Variants in DNMT3A observed in about 807,000 individuals in gnomAD.
DNMT3A encodes DNA (cytosine-5)-methyltransferase 3A.
A neutral mutation model predicts 117.6 loss-of-function variants in DNMT3A; 267 were observed. The observed-to-expected ratio is 2.27, with a 90% confidence interval of 2.05 to 2.51. The LOEUF is 2.51. Among genes scored for constraint, DNMT3A ranks in the 30% most tolerant of loss-of-function variants. The pLI, the probability that DNMT3A is intolerant of heterozygous loss-of-function variation, is 0.00. For missense variants in DNMT3A, 1,029 were observed against 1,260.2 expected, an observed-to-expected ratio of 0.82 and a Z score of 2.78; for synonymous variants, 432 against 474.8, an observed-to-expected ratio of 0.91 and a Z score of 1.17.
At position 25,294,295 on chromosome 2, in the gene DNMT3A, C is replaced by A. The variant is rs577440244; in HGVS notation, c.177+5844G>T. 1.3e-5 allele frequency among the ~76,000 whole-genome samples: 2 copies of A among 152,180 alleles called. No individual in the cohort carries two copies. Among genetic ancestry groups the A allele is most frequent in the Non-Finnish European group, 2.9e-5 (2 of 68,036 alleles). On this transcript the variant is annotated intron_variant, in intron 3 of 22. Transcript: ENST00000321117. The surrounding 1 kb of genome is among the most constrained non-coding windows in gnomAD (Gnocchi z 4.7). ...CTCCAGTAGCGGGCGTTGATTTCAC[C>A]GCTCAGGTCGGGGAGTGGGTGGGTG...
intron 2 of DNMT3A, among the ~76,000 whole-genome samples, chr2:25,312,369 C>A (rs968029869): frequency 6.6e-6 from 1 of 152,244 alleles, no homozygotes; most frequent in Non-Finnish European, 1.5e-5. Flanking sequence ...CCTGATCGGT[C>A]GCCCCGGGCG....
rs759434704 is a variant in DNMT3A at position 25,234,253 on chromosome 2, G to A, written c.*26C>T. 1.3e-5 allele frequency: 21 copies of A among 1,587,740 alleles called. No homozygotes were observed. Among genetic ancestry groups the A allele is most frequent in the South Asian group, 2.3e-5 (2 of 87,916 alleles). ...TTGTTTGTTTGTTTAACTTTGTGTC[G>A]CTACCTCAGTTTGCCCCCATGTCCC... On this transcript the variant is annotated 3_prime_UTR_variant, in exon 23 of 23. Transcript: ENST00000321117. The surrounding 1 kb of genome is among the most constrained non-coding windows in gnomAD (Gnocchi z 4.5).
Position 25,243,968 on chromosome 2 carries a change from A to C in DNMT3A, c.1866T>G (p.Val622=), listed in dbSNP as rs1674397810. The stretch of plus-strand genomic sequence containing the variant: ...TCTTCTCAGCTGGGACAGGTGGGTA[A>C]ACCTTTGGAGGGTCCTAAGCAGTGA... ...NHDQEFDPPK[V]YPPVPAEKRK... The change falls in exon 16 of 23, where the codon GTT becomes GTG. Residue 622 remains valine (V), a synonymous_variant. Transcript: ENST00000321117. 1 of 1,553,962 alleles carries C rather than the reference A, an allele frequency of 6.4e-7. No homozygotes were observed. The highest frequency in any genetic ancestry group is 8.7e-7 in the Non-Finnish European group (1 of 1,148,184).
At chr2:25,271,189 T>C (rs1002123084) in intron 6 of DNMT3A, among the ~76,000 whole-genome samples, 5 of 150,982 alleles carry the variant, frequency 3.3e-5, no homozygotes, top group African/African-American at 1.2e-4. Flanking sequence ...CTACTAAAAA[T>C]ACAAAAAGTT....
chr2:25,247,071 C>G lies in DNMT3A; in HGVS notation c.1102G>C (p.Ala368Pro), dbSNP rs1347653303. The G allele has an allele frequency of 6.2e-7, 1 of 1,614,006 alleles. No individual in the cohort carries two copies. The highest frequency in any genetic ancestry group is 8.5e-7 in the Non-Finnish European group (1 of 1,180,000). Reference sequence around the variant, plus strand: ...CTCACCTGCAGGACCTCGTAGATGGCTTTGCGGTACATGGGCTGCTTGTTG... The same window carrying G: ...CTCACCTGCAGGACCTCGTAGATGGGTTTGCGGTACATGGGCTGCTTGTTG... ...TYNKQPMYRK[A>P]IYEVLQVASS... The change falls in exon 9 of 23, where the codon GCC becomes CCC. Residue 368 changes from alanine to proline, a missense_variant. By Grantham distance (27) the Ala-to-Pro change is conservative. Transcript: ENST00000321117. This position sits in a 1 kb window ranked among gnomAD's most constrained non-coding sequence, Gnocchi z 5.6.
At position 25,248,111 on chromosome 2, in the gene DNMT3A, T is replaced by G; in HGVS notation, c.781A>C (p.Thr261Pro). ...TDPASPTVAT[T>P]PEPVGSDAGD... ...GCATCGGACCCCACGGGCTCAGGCG[T>G]GGTAGCCACAGTGGGGGATGCGGGG... The change falls in exon 7 of 23, where the codon ACG becomes CCG. Residue 261 changes from threonine (T) to proline (P), a missense_variant. Transcript: ENST00000321117. The G allele has an allele frequency of 6.2e-7, 1 of 1,613,516 alleles. No individual in the cohort carries two copies. The highest frequency in any genetic ancestry group is 1.1e-5 in the South Asian group (1 of 91,046).
At chr2:25,283,891 C>T (rs534066026) in intron 3 of DNMT3A, among the ~76,000 whole-genome samples, 72 of 152,312 alleles carry the variant, frequency 4.7e-4, no homozygotes, top group African/African-American at 1.6e-3. Context: ...AGGTGAGGAA[C>T]CTGAGGCTCT....
At chr2:25,310,612 G>A (rs1395231944) in intron 2 of DNMT3A, among the ~76,000 whole-genome samples, 1 of 152,164 alleles carries the variant, frequency 6.6e-6, no homozygotes, top group African/African-American at 2.4e-5. Flanking sequence ...TTATTCTCCT[G>A]TGGGAGGGTC....
rs1558722397 is a variant in DNMT3A at position 25,300,692 on chromosome 2, TTTATATATCTAAATAATATA to T, written c.73-469_73-450del. Among the ~76,000 whole-genome samples, 267 of 80,528 alleles carry T rather than the reference TTTATATATCTAAATAATATA, an allele frequency of 3.3e-3. 14 individuals are homozygous for T. Among genetic ancestry groups the T allele is most frequent in the Non-Finnish European group, 5.5e-3 (229 of 41,960 alleles). The allele number at this position is 80,528 out of a possible 152,430, so 52.8% of individuals were successfully genotyped here. On this transcript the variant is annotated intron_variant, in intron 2 of 22. Transcript: ENST00000321117. ...ATTTAGATATATATTTAGATATATATTTATATATCTAAATAATATAATATATATATATATATATATATATA... is the reference window on the plus strand; with the variant it reads ...ATTTAGATATATATTTAGATATATATATATATATATATATATATATATATA...
rs1675058985 is a variant in DNMT3A at position 25,248,072 on chromosome 2, C to T, written c.820G>A (p.Ala274Thr). 6.2e-7 allele frequency: 1 copy of T among 1,612,568 alleles called. No individual in the cohort carries two copies. The highest frequency in any genetic ancestry group is 8.5e-7 in the Non-Finnish European group (1 of 1,180,002). ...PVGSDAGDKN[A>T]TKAGDDEPEY... ...GGCTCGTCATCGCCTGCTTTGGTGG[C>T]ATTCTTGTCCCCAGCATCGGACCCC... The change falls in exon 7 of 23, where the codon GCC (alanine) becomes ACC (threonine). Residue 274 changes from alanine (A) to threonine (T), a missense_variant. Ala to Thr is a moderately conservative substitution (Grantham distance 58). Coordinates refer to ENST00000321117, the MANE Select transcript of DNMT3A (RefSeq NM_022552.5).
In DNMT3A at chr2:25,282,274, T is replaced by G; in HGVS notation, c.448+167A>C. 7.0e-7 allele frequency: 1 copy of G among 1,419,782 alleles called. No homozygotes were observed. Among genetic ancestry groups the G allele is most frequent in the Non-Finnish European group, 9.2e-7 (1 of 1,088,038 alleles). 87.9% of individuals were successfully genotyped at this position (1,419,782 alleles called of 1,614,324 possible). A position where few individuals can be genotyped will look rare whatever the true frequency, so the allele number is the denominator to read the frequency against. On this transcript the variant is annotated intron_variant, in intron 4 of 22. Transcript: ENST00000321117. The surrounding 1 kb of genome is among the most constrained non-coding windows in gnomAD (Gnocchi z 5.2). The stretch of plus-strand genomic sequence containing the variant: ...CACTCTATGGGCCAAATAAAACATA[T>G]GCGCAGGCTGCATCCAGCCAGTAGC...
At chr2:25,244,015 C>T (rs1236029830) in intron 15 of DNMT3A, 33 bp from the exon 16 acceptor site, 2 of 1,548,254 alleles carry the variant, frequency 1.3e-6, no homozygotes, top group African/African-American at 1.4e-5. Context: ...CAGATGCAGG[C>T]CCAGCGGTGT....
At chr2:25,246,588 G>C in intron 10 of DNMT3A, 32 bp downstream of exon 10, 1 of 1,593,738 alleles carries the variant, frequency 6.3e-7, no homozygotes, top group Non-Finnish European at 8.6e-7. Flanking sequence ...CTGGCGGGCA[G>C]GGGTCCCAGA....
intron 6 of DNMT3A, among the ~76,000 whole-genome samples, chr2:25,251,647 G>A (rs886107583): frequency 1.3e-5 from 2 of 152,160 alleles, no homozygotes; most frequent in African/African-American, 4.8e-5. Flanking sequence ...TCACAGGCCG[G>A]CCCCCTGTCA....
At chr2:25,259,133 G>A (rs1160036037) in intron 6 of DNMT3A, among the ~76,000 whole-genome samples, 1 of 152,230 alleles carries the variant, frequency 6.6e-6, no homozygotes, top group African/African-American at 2.4e-5. Context: ...ATCAGGCTCT[G>A]GAGCTTTGGT....
At position 25,247,713 on chromosome 2, in the gene DNMT3A, C is replaced by T. The variant is rs797044904; in HGVS notation, c.892G>A (p.Gly298Arg). 3 of 1,613,458 alleles carry T rather than the reference C, an allele frequency of 1.9e-6. No individual in the cohort carries two copies. The highest frequency in any genetic ancestry group is 2.5e-6 in the Non-Finnish European group (3 of 1,180,002). The change falls in exon 8 of 23, where the codon GGG becomes AGG. Residue 298 changes from glycine (G) to arginine (R), a missense_variant. Coordinates refer to ENST00000321117, the MANE Select transcript of DNMT3A (RefSeq NM_022552.5). The surrounding 1 kb of genome is among the most constrained non-coding windows in gnomAD (Gnocchi z 5.6). The part of the protein sequence containing the change: ...RGFGIGELVW[G>R]KLRGFSWWPG... ...CACCAGGAGAAGCCCCGCAGTTTCC[C>T]CCACACCAGCTCCCCAATGCCAAAG...
In DNMT3A at chr2:25,247,960, GGA is replaced by G. The variant is rs1484936159; in HGVS notation, c.855+75_855+76del. On this transcript the variant is annotated intron_variant, in intron 7 of 22. Transcript: ENST00000321117. The surrounding 1 kb of genome is among the most constrained non-coding windows in gnomAD (Gnocchi z 5.6). ...GAGCGGCCCGTGGGAGATGGAGAGA[GGA>G]GAGCAGGACGGGAGGAGCTGGCAGT... The G allele has an allele frequency of 1.3e-6, 2 of 1,593,316 alleles. No homozygotes were observed. Among genetic ancestry groups the G allele is most frequent in the Non-Finnish European group, 1.7e-6 (2 of 1,169,446 alleles).
At chr2:25,276,730 T>G (rs896510175) in intron 4 of DNMT3A, among the ~76,000 whole-genome samples, 2 of 152,242 alleles carry the variant, frequency 1.3e-5, no homozygotes, top group African/African-American at 4.8e-5. Context: ...CCCCTGAGCT[T>G]CTTTGTCGGG....
intron 1 of DNMT3A, among the ~76,000 whole-genome samples, chr2:25,329,125 T>G (rs533457659): frequency 2.0e-5 from 3 of 152,152 alleles, no homozygotes; most frequent in Non-Finnish European, 4.4e-5. Flanking sequence ...AGGGCCGCCT[T>G]TCTCCTCATC....
Sources: allele counts gnomAD v4.1 joint callset (sites outside exome capture counted in the v4.1 genomes callset), GRCh38; gene constraint gnomAD v4.1.1; non-coding constraint Gnocchi (gnomAD v3.1); transcripts MANE v1.5; gene names NCBI Gene and HGNC (gene_info 2026-07-23, HGNC 2026-07-21).